SEC31A: variants seen among roughly 807,000 people sequenced by gnomAD.
SEC31A encodes SEC31 homolog A, COPII component.
In SEC31A, 70 loss-of-function variants were observed where a neutral mutation model predicts 151.0. That is an observed-to-expected ratio of 0.46 (90% CI 0.38 to 0.57). SEC31A has a LOEUF of 0.57. SEC31A is among the 20% of genes least tolerant of loss of function. The pLI, the probability that SEC31A is intolerant of heterozygous loss-of-function variation, is 0.00. For missense variants in SEC31A, 1,330 were observed against 1,471.2 expected (o/e 0.90, Z 1.57); for synonymous variants, 475 against 505.9 (o/e 0.94, Z 0.82).
chr4:82,880,848 CAG>C lies in SEC31A; in HGVS notation c.152_153del (p.Ser51Ter). The C allele has an allele frequency of 6.2e-7, 1 of 1,612,806 alleles. No individual in the cohort carries two copies. Among genetic ancestry groups the C allele is most frequent in the Non-Finnish European group, 8.5e-7 (1 of 1,178,952 alleles). On this transcript the variant is annotated frameshift_variant, in exon 3 of 27. Coordinates refer to ENST00000395310, the MANE Select transcript of SEC31A (RefSeq NM_001077207.4). LOFTEE classifies it high-confidence loss of function. ...CAAGATTTCATATCCAAGGATGGATCAGAGAGGTCTAATTCAAATATCTCAAG... is the reference window on the plus strand; with the variant it reads ...CAAGATTTCATATCCAAGGATGGATCAGAGGTCTAATTCAAATATCTCAAG... ...ASLEIFELDL[S>X]DPSLDMKSCA...
At position 82,880,829 on chromosome 4, in the gene SEC31A, T is replaced by G. The variant is rs752242679; in HGVS notation, c.173A>C (p.Lys58Thr). ...AGAAGAGGAGAATGTGGCACAAGATTTCATATCCAAGGATGGATCAGAGAG... is the reference window on the plus strand; with the variant it reads ...AGAAGAGGAGAATGTGGCACAAGATGTCATATCCAAGGATGGATCAGAGAG... The part of the protein sequence containing the change: ...LDLSDPSLDM[K>T]SCATFSSSHR... The change falls in exon 3 of 27, where the codon AAA (lysine) becomes ACA (threonine). Residue 58 changes from lysine to threonine, a missense_variant. Transcript: ENST00000395310. 1.8e-5 allele frequency: 29 copies of G among 1,612,794 alleles called. No individual in the cohort carries two copies. Among genetic ancestry groups the G allele is most frequent in the Non-Finnish European group, 2.5e-5 (29 of 1,179,286 alleles).
intron 1 of SEC31A, chr4:82,890,780 C>T (rs1719535264): frequency 7.1e-6 from 9 of 1,267,384 alleles, no homozygotes; most frequent in Non-Finnish European, 9.0e-6. Flanking sequence ...TGAAAGTCTC[C>T]TAATCTCAAA....
intron 1 of SEC31A, among the ~76,000 whole-genome samples, chr4:82,890,199 C>T (rs1218985167): frequency 3.1e-5 from 2 of 63,890 alleles, no homozygotes; most frequent in Non-Finnish European, 5.6e-5. Flanking sequence ...GAGACTCCGT[C>T]TCAAAAAAAA....
intron 16 of SEC31A, among the ~76,000 whole-genome samples, chr4:82,855,641 G>C (rs550020633): frequency 6.6e-5 from 10 of 152,278 alleles, no homozygotes; most frequent in Admixed American, 3.3e-4. Context: ...CCTTTGCAGG[G>C]ACATGGATGG....
intron 1 of SEC31A, among the ~76,000 whole-genome samples, chr4:82,889,463 C>T (rs1484079005): frequency 6.7e-6 from 1 of 149,086 alleles, no homozygotes; most frequent in African/African-American, 2.5e-5. Flanking sequence ...GGGAGGATCT[C>T]TTGAGCCCAA....
rs1737781083 is a variant in SEC31A, at chr4:82,875,786, T to C, written c.439A>G (p.Ile147Val). Residue 147 changes from isoleucine to valine, a missense_variant, in exon 5 of 27, where the codon ATC (isoleucine) becomes GTC (valine). Transcript: ENST00000395310. ...LVASGANESE[I>V]YIWDLNNFAT... ...AAATTATTTAGATCCCATATGTAGATTTCAGATTCATTAGCACCAGAAGCT... is the reference window on the plus strand; with the variant it reads ...AAATTATTTAGATCCCATATGTAGACTTCAGATTCATTAGCACCAGAAGCT... 1.2e-6 allele frequency: 2 copies of C among 1,608,504 alleles called. No individual in the cohort carries two copies. Among genetic ancestry groups the C allele is most frequent in the East Asian group, 4.5e-5 (2 of 44,726 alleles).
chr4:82,834,311 C>T (rs1395295569), intron 22 of SEC31A, among the ~76,000 whole-genome samples: 2 of 152,156 alleles, frequency 1.3e-5, no homozygotes, highest in Non-Finnish European at 2.9e-5. Context: ...CAGGTCAAAA[C>T]AACATGTCCT....
At chr4:82,874,542 T>C (rs1459110370) in intron 6 of SEC31A, 69 bp downstream of exon 6, 96 of 1,418,584 alleles carry the variant, frequency 6.8e-5, no homozygotes, top group Non-Finnish European at 8.7e-5. Flanking sequence ...TTGTCAACTC[T>C]GACAAACAAT....
At chr4:82,900,410 T>G (rs1720267912) in exon 1 of SEC31A, 1 of 228,018 alleles carries the variant, frequency 4.4e-6, no homozygotes, top group Non-Finnish European at 8.8e-6. Context: ...TCGCCTCAAT[T>G]TTGGTCCTGC....
rs1212475708 is a variant in SEC31A at position 82,862,538 on chromosome 4, T to C, written c.1544A>G (p.Asn515Ser). The stretch of plus-strand genomic sequence containing the variant: ...TATTTTTAAAGGCCTTCTTACCACA[T>C]TGGCTCCATCCACTTTGTTCAAGGC... Reference protein sequence around the residue: ...ALALNKVDGANVALKDSDQVA... With the variant: ...ALALNKVDGASVALKDSDQVA... Residue 515 changes from asparagine to serine, a missense_variant, in exon 13 of 27, where the codon AAT becomes AGT. Physicochemically the swap from Asn to Ser is conservative, Grantham distance 46. Coordinates refer to ENST00000395310, the MANE Select transcript of SEC31A (RefSeq NM_001077207.4). The C allele has an allele frequency of 3.1e-6, 5 of 1,613,398 alleles. No individual in the cohort carries two copies. The highest frequency in any genetic ancestry group is 4.2e-6 in the Non-Finnish European group (5 of 1,179,474).
At chr4:82,892,162 CTT>C (rs1461463056), upstream of SEC31A, among the ~76,000 whole-genome samples, 1 of 152,220 alleles carries the variant, frequency 6.6e-6, no homozygotes, top group East Asian at 1.9e-4. Flanking sequence ...ATGAACCCAA[CTT>C]TTACTGGTAG....
chr4:82,848,871 C>G lies in SEC31A; in HGVS notation c.2435G>C (p.Gly812Ala). Residue 812 changes from glycine (G) to alanine (A), a missense_variant, in exon 20 of 27, where the codon GGC becomes GCC. Gly to Ala is a moderately conservative substitution (Grantham distance 60). Transcript: ENST00000395310. The stretch of plus-strand genomic sequence containing the variant: ...GTGGCCAGCAACTGGTCCAGGCCTG[C>G]CCTTGGGGAGCTGCTGTTTCTCGTA... The part of the protein sequence containing the change: ...IPYEKQQLPK[G>A]RPGPVAGHHQ... 1 of 1,614,052 alleles carries G rather than the reference C, an allele frequency of 6.2e-7. No homozygotes were observed. The highest frequency in any genetic ancestry group is 8.5e-7 in the Non-Finnish European group (1 of 1,179,992).
At chr4:82,883,699 C>A (rs1423660384) in intron 1 of SEC31A, among the ~76,000 whole-genome samples, 1 of 151,862 alleles carries the variant, frequency 6.6e-6, no homozygotes, top group African/African-American at 2.4e-5. Context: ...CATGGTGGTG[C>A]ACGCCTGTAG....
chr4:82,892,926 A>G (rs954730155), upstream of SEC31A: 1 of 152,248 alleles, frequency 6.6e-6, no homozygotes, highest in Non-Finnish European at 1.5e-5. Flanking sequence ...AAAACTCTTT[A>G]GTTCACAAAA....
chr4:82,846,294 C>T (rs1369131703), intron 20 of SEC31A, among the ~76,000 whole-genome samples: 1 of 151,174 alleles, frequency 6.6e-6, no homozygotes, highest in Non-Finnish European at 1.5e-5. Context: ...TGAGCCACCA[C>T]GCCCGGCCTG....
At chr4:82,878,626 A>T in intron 4 of SEC31A, 104 bp downstream of exon 4, 1 of 911,832 alleles carries the variant, frequency 1.1e-6, no homozygotes, top group Non-Finnish European at 1.7e-6. Flanking sequence ...GTATAGCCAC[A>T]GTTTTTTAAC....
At position 82,867,245 on chromosome 4, in the gene SEC31A, G is replaced by A; in HGVS notation, c.954C>T (p.Val318=). ...GCCCATCAAACGAAGCAGCTGATAA[G>A]ACAGCAGGATTTCGGGGACACCACT... The part of the protein sequence containing the change: ...DIQWCPRNPA[V]LSAASFDGRI... The change falls in exon 9 of 27, where the codon GTC becomes GTT. Residue 318 remains valine (V), a synonymous_variant. Coordinates refer to ENST00000395310, the MANE Select transcript of SEC31A (RefSeq NM_001077207.4). 6.2e-7 allele frequency: 1 copy of A among 1,614,092 alleles called. No homozygotes were observed. Among genetic ancestry groups the A allele is most frequent in the Non-Finnish European group, 8.5e-7 (1 of 1,179,950 alleles).
At position 82,827,395 on chromosome 4, in the gene SEC31A, CT is replaced by C; in HGVS notation, c.3264del (p.Ala1090LeufsTer30). On this transcript the variant is annotated frameshift_variant, in exon 24 of 27. Coordinates refer to ENST00000395310, the MANE Select transcript of SEC31A (RefSeq NM_001077207.4). LOFTEE classifies it high-confidence loss of function. ...TGGAAGGTATTTCCAATAGGAGCCC[CT>C]GGGGCACCTTCAATATTGGGCTTTG... ...SFSKPNIEGA[P>X]GAPIGNTFQH... The C allele has an allele frequency of 6.2e-7, 1 of 1,614,188 alleles. No homozygotes were observed. The highest frequency in any genetic ancestry group is 8.5e-7 in the Non-Finnish European group (1 of 1,180,016).
intron 8 of SEC31A, 118 bp downstream of exon 8, chr4:82,870,207 A>T: frequency 1.4e-6 from 1 of 690,202 alleles, no homozygotes; most frequent in Middle Eastern, 2.6e-4. Context: ...CTGCACACAC[A>T]CGTCCACATA....
Sources: gnomAD v4.1 joint callset for allele counts (sites outside exome capture counted in the v4.1 genomes callset) on GRCh38, gnomAD v4.1.1 for gene constraint, MANE v1.5 for transcripts, NCBI Gene and HGNC (gene_info 2026-07-23, HGNC 2026-07-21) for gene names.